The following AXDND1 variants were observed in gnomAD, a reference collection of about 807,000 sequenced individuals.
The protein encoded by AXDND1 is axonemal dynein light chain domain-containing protein 1.
In AXDND1, 110 loss-of-function variants were observed where a neutral mutation model predicts 137.5. That is an observed-to-expected ratio of 0.80 (90% CI 0.69 to 0.94). The LOEUF is 0.94. Ranked by LOEUF, AXDND1 falls within the 40% of genes least tolerant of loss-of-function variation. The pLI is 0.00. For synonymous variants in AXDND1, 414 were observed against 399.7 expected (o/e 1.04, Z -0.43); for missense variants, 1,191 against 1,169.8 (o/e 1.02, Z -0.26).
intron 25 of AXDND1, chr1:179,551,467 C>G (rs183677190): frequency 3.1e-6 from 5 of 1,612,372 alleles, no homozygotes; most frequent in South Asian, 1.1e-5. Flanking sequence ...AAACATGTGA[C>G]GAAAGCAAAG....
intron 25 of AXDND1, among the ~76,000 whole-genome samples, chr1:179,550,352 G>A (rs974179372): frequency 6.6e-6 from 1 of 152,106 alleles, no homozygotes; most frequent in African/African-American, 2.4e-5. Context: ...GTCAGGGCAT[G>A]TGTAGGTTAC....
intron 25 of AXDND1, among the ~76,000 whole-genome samples, chr1:179,547,661 C>T (rs1396572342): frequency 6.6e-6 from 1 of 152,160 alleles, no homozygotes; most frequent in South Asian, 2.1e-4. Context: ...TTGGGTCCCA[C>T]GAGCACCTGA....
intron 20 of AXDND1, among the ~76,000 whole-genome samples, chr1:179,493,765 C>G (rs1003392410): frequency 6.6e-6 from 1 of 152,112 alleles, no homozygotes; most frequent in Non-Finnish European, 1.5e-5. Flanking sequence ...TGATGGATAC[C>G]CCTGTTACCC....
rs368524808 is a variant in AXDND1, at chr1:179,549,161, A to G, written c.3032-5351A>G. Among the ~76,000 whole-genome samples, 18 of 152,250 alleles carry G rather than the reference A, an allele frequency of 1.2e-4. No homozygotes were observed. In the East Asian group the frequency reaches 3.1e-3, roughly 26 times the overall value. The stretch of plus-strand genomic sequence containing the variant: ...TTCCTAGAACATATCATGGTTTTAG[A>G]TTGTACTCTCCAGCTTGTCCTCCAG... On this transcript the variant is annotated intron_variant, in intron 25 of 25. Coordinates refer to ENST00000367618, the MANE Select transcript of AXDND1 (RefSeq NM_144696.6).
chr1:179,457,337 G>A (rs1661561261), intron 16 of AXDND1: 5 of 555,558 alleles, frequency 9.0e-6, no homozygotes, highest in Admixed American at 5.2e-5. Context: ...TAGACAAGAC[G>A]GCCGGGAGAA....
At chr1:179,541,849 A>G (rs1672198951) in intron 25 of AXDND1, among the ~76,000 whole-genome samples, 1 of 152,188 alleles carries the variant, frequency 6.6e-6, no homozygotes, top group African/African-American at 2.4e-5. Context: ...CAATCATGAA[A>G]GATTAAATAA....
At chr1:179,462,593 A>G (rs1200627937) in intron 16 of AXDND1, among the ~76,000 whole-genome samples, 2 of 151,978 alleles carry the variant, frequency 1.3e-5, no homozygotes, top group East Asian at 3.9e-4. Context: ...CTCTTTTTCT[A>G]TTGATTGGAA....
intron 12 of AXDND1, among the ~76,000 whole-genome samples, chr1:179,421,367 C>CTTTTTTTTTTTTTTTTTT (rs199703017): frequency 5.6e-5 from 6 of 107,210 alleles, no homozygotes; most frequent in African/African-American, 1.2e-4. Context: ...TTTTCTTTTC[C>CTTTTTTTTTTTTTTTTTT]TTTTTTTTTT....
intron 11 of AXDND1, 23 bp downstream of exon 11, chr1:179,395,225 A>C: frequency 6.3e-7 from 1 of 1,587,430 alleles, no homozygotes; most frequent in African/African-American, 1.4e-5. Context: ...AAGTTTGTTT[A>C]GCTTACATAG....
intron 16 of AXDND1, among the ~76,000 whole-genome samples, chr1:179,458,976 T>C (rs957078240): frequency 1.3e-5 from 2 of 152,120 alleles, no homozygotes; most frequent in Non-Finnish European, 2.9e-5. Flanking sequence ...TATAGTTATA[T>C]ACTTAGAAAA....
intron 16 of AXDND1, among the ~76,000 whole-genome samples, chr1:179,466,831 T>G (rs1663268398): frequency 1.3e-5 from 2 of 152,196 alleles, no homozygotes; most frequent in African/African-American, 2.4e-5. Flanking sequence ...ATTTTACTTT[T>G]TATTCTGGCA....
At chr1:179,446,976 A>G (rs1266790387) in intron 16 of AXDND1, among the ~76,000 whole-genome samples, 1 of 152,192 alleles carries the variant, frequency 6.6e-6, no homozygotes, top group Non-Finnish European at 1.5e-5. Context: ...AGTATTTGTT[A>G]CATTCATAGA....
At chr1:179,488,634 CCTTTCTT>C (rs757639994) in intron 18 of AXDND1, among the ~76,000 whole-genome samples, 6,312 of 105,128 alleles carry the variant, frequency 0.06, 622 homozygotes, top group Middle Eastern at 0.12. Flanking sequence ...CTCTCTCTCT[CCTTTCTT>C]TCTTTCTTTC....
intron 19 of AXDND1, 121 bp downstream of exon 19, chr1:179,491,858 GT>G: frequency 4.5e-6 from 4 of 895,752 alleles, no homozygotes; most frequent in Non-Finnish European, 6.5e-6. Flanking sequence ...TACTAGTTCA[GT>G]TTTTCAACTA....
intron 23 of AXDND1, among the ~76,000 whole-genome samples, chr1:179,530,171 A>G (rs1451844819): frequency 2.0e-5 from 3 of 152,196 alleles, no homozygotes; most frequent in Non-Finnish European, 2.9e-5. Flanking sequence ...CTGGGATTAC[A>G]GGTGCCCACC....
At chr1:179,378,399 C>T (rs866915941) in intron 4 of AXDND1, among the ~76,000 whole-genome samples, 17 of 151,950 alleles carry the variant, frequency 1.1e-4, no homozygotes, top group Non-Finnish European at 1.9e-4. Context: ...TAACCTCATA[C>T]TGAAGGAAAG....
At chr1:179,370,887 G>A (rs1667970379) in intron 4 of AXDND1, among the ~76,000 whole-genome samples, 1 of 152,168 alleles carries the variant, frequency 6.6e-6, no homozygotes, top group Non-Finnish European at 1.5e-5. Context: ...GATAATAGAT[G>A]CAAGAGCACT....
chr1:179,459,150 C>A (rs1231644825), intron 16 of AXDND1, among the ~76,000 whole-genome samples: 1 of 151,978 alleles, frequency 6.6e-6, no homozygotes, highest in Non-Finnish European at 1.5e-5. Context: ...TTTTTATCAC[C>A]TCAAGAATAC....
At chr1:179,495,827 AG>A (rs1667381761) in intron 20 of AXDND1, among the ~76,000 whole-genome samples, 2 of 150,080 alleles carry the variant, frequency 1.3e-5, no homozygotes, top group Non-Finnish European at 1.5e-5. Context: ...TGCTAGCTAT[AG>A]GTTTTTTTTA....
Sources: gnomAD v4.1 joint callset for allele counts (sites outside exome capture counted in the v4.1 genomes callset) on GRCh38, gnomAD v4.1.1 for gene constraint, MANE v1.5 for transcripts, NCBI Gene and HGNC (gene_info 2026-07-23, HGNC 2026-07-21) for gene names.